FHOD3: variants seen among roughly 807,000 people sequenced by gnomAD.
FHOD3 encodes formin homology 2 domain containing 3, also known as FH1/FH2 domain-containing protein 3.
FHOD3 carries 90 observed loss-of-function variants against 173.0 expected under a neutral mutation model. That is an observed-to-expected ratio of 0.52 (90% CI 0.44 to 0.62). The LOEUF (loss-of-function observed/expected upper bound fraction) is 0.62, where lower values mean the gene tolerates loss of function less well. FHOD3 is among the 20% of genes least tolerant of loss of function. The pLI, the probability that FHOD3 is intolerant of heterozygous loss-of-function variation, is 0.00. For synonymous variants in FHOD3, 828 were observed against 823.0 expected (o/e 1.01, Z -0.10); for missense variants, 1,945 against 2,034.7 (o/e 0.96, Z 0.85).
At chr18:36,686,912 T>G (rs1223374914) in intron 15 of FHOD3, among the ~76,000 whole-genome samples, 1 of 152,230 alleles carries the variant, frequency 6.6e-6, no homozygotes, top group Non-Finnish European at 1.5e-5. Context: ...AATCCTATGT[T>G]TTCTGCAATC....
At chr18:36,399,446 A>G (rs1228947291) in intron 3 of FHOD3, among the ~76,000 whole-genome samples, 1 of 152,116 alleles carries the variant, frequency 6.6e-6, no homozygotes, top group Non-Finnish European at 1.5e-5. Context: ...CACAGATGTT[A>G]TATGTGTCTT....
chr18:36,526,152 G>C (rs1443681941), intron 5 of FHOD3, among the ~76,000 whole-genome samples: 1 of 152,248 alleles, frequency 6.6e-6, no homozygotes, highest in Non-Finnish European at 1.5e-5. Flanking sequence ...GAGATCCAAG[G>C]GCTCGGCCAA....
intron 2 of FHOD3, among the ~76,000 whole-genome samples, chr18:36,370,299 A>G (rs1210943484): frequency 1.3e-5 from 2 of 152,116 alleles, no homozygotes; most frequent in Non-Finnish European, 2.9e-5. Context: ...GAGGAATTGT[A>G]AGTGATTAAA....
intron 5 of FHOD3, among the ~76,000 whole-genome samples, chr18:36,549,472 A>G (rs569847562): frequency 6.7e-6 from 1 of 150,036 alleles, no homozygotes; most frequent in Admixed American, 6.6e-5. Context: ...TTTTGAAGAA[A>G]TTCAGTTTAT....
rs35049122 is a variant in FHOD3, at chr18:36,375,918, C to T, written c.337+3174C>T. On this transcript the variant is annotated intron_variant, in intron 3 of 28. Coordinates refer to ENST00000590592, the MANE Select transcript of FHOD3 (RefSeq NM_001281740.3). ...TATGACCACTTGATATTGCAGCGAA[C>T]GCTGCACTTGCCTTCTTAATCTAGC... is the stretch of plus-strand genomic sequence containing the variant. 4.1e-3 allele frequency among the ~76,000 whole-genome samples: 622 copies of T among 152,334 alleles called. 6 individuals carry two copies. The highest frequency in any genetic ancestry group is 0.011 in the South Asian group (54 of 4,828).
chr18:36,465,350 C>G (rs1390168449), intron 3 of FHOD3, among the ~76,000 whole-genome samples: 1 of 152,056 alleles, frequency 6.6e-6, no homozygotes, highest in Admixed American at 6.6e-5. Flanking sequence ...AGACACGGAT[C>G]TCATACCCTA....
At chr18:36,687,302 T>G in intron 16 of FHOD3, 124 bp downstream of exon 16, 1 of 723,982 alleles carries the variant, frequency 1.4e-6, no homozygotes, top group Non-Finnish European at 2.3e-6. Context: ...ATAGCTGGCA[T>G]TTTGCAGAAC....
intron 1 of FHOD3, among the ~76,000 whole-genome samples, chr18:36,328,520 T>C (rs73949433): frequency 0.11 from 16,009 of 151,978 alleles, 2,116 homozygotes; most frequent in African/African-American, 0.31. Flanking sequence ...TTTGTGTCAT[T>C]GTAGGGCTTA....
At chr18:36,757,295 T>C (rs1212302362) in intron 25 of FHOD3, among the ~76,000 whole-genome samples, 1 of 152,224 alleles carries the variant, frequency 6.6e-6, no homozygotes, top group Non-Finnish European at 1.5e-5. Context: ...GCATCATTCA[T>C]GTAGAAGGAT....
At chr18:36,769,457 A>G (rs756948039) in intron 28 of FHOD3, 31 bp downstream of exon 28, 48 of 1,606,288 alleles carry the variant, frequency 3.0e-5, no homozygotes, top group South Asian at 8.9e-5. Context: ...GCGAGCCTTC[A>G]CCCCTACAGG....
chr18:36,454,645 A>C (rs1599186033), intron 3 of FHOD3, among the ~76,000 whole-genome samples: 1 of 150,560 alleles, frequency 6.6e-6, no homozygotes, highest in African/African-American at 2.5e-5. Context: ...GATTCACTAG[A>C]AATTCTGTCC....
At position 36,450,442 on chromosome 18, in the gene FHOD3, TG is replaced by T. The variant is rs1487951204; in HGVS notation, c.338-51489del. ...AGACCAGTAGCATTTACGACCAGTTTGTTTATTTATTTATTTATTTATTTAT... is the reference window on the plus strand; with the variant it reads ...AGACCAGTAGCATTTACGACCAGTTTTTTATTTATTTATTTATTTATTTAT... On this transcript the variant is annotated intron_variant, in intron 3 of 28. Transcript: ENST00000590592. Among the ~76,000 whole-genome samples, 130 of 43,158 alleles carry T rather than the reference TG, an allele frequency of 3.0e-3. 3 individuals are homozygous for T. The East Asian group carries it at 0.12, about 40-fold the overall frequency. 28.3% of individuals were successfully genotyped at this position (43,158 alleles called of 152,430 possible).
At chr18:36,731,606 C>T (rs1342011046) in intron 20 of FHOD3, among the ~76,000 whole-genome samples, 1 of 152,142 alleles carries the variant, frequency 6.6e-6, no homozygotes, top group Non-Finnish European at 1.5e-5. Context: ...GCAGGGGGCC[C>T]CAGACTCCTT....
Position 36,501,985 on chromosome 18 carries a change from A to C in FHOD3, c.391A>C (p.Lys131Gln). 6.2e-7 allele frequency: 1 copy of C among 1,605,470 alleles called. No homozygotes were observed. The highest frequency in any genetic ancestry group is 8.5e-7 in the Non-Finnish European group (1 of 1,175,258). Residue 131 changes from lysine (K) to glutamine (Q), a missense_variant, in exon 4 of 29, where the codon AAG becomes CAG. Lys to Gln is a moderately conservative substitution (Grantham distance 53). Coordinates refer to ENST00000590592, the MANE Select transcript of FHOD3 (RefSeq NM_001281740.3). ...TTTGAGAAGGGCCCTCTTCTCCCTGAAGCAGATATTTCAGGTAAATAGGAA... is the reference window on the plus strand; with the variant it reads ...TTTGAGAAGGGCCCTCTTCTCCCTGCAGCAGATATTTCAGGTAAATAGGAA... Reference protein sequence around the residue: ...RDLRRALFSLKQIFQDDKDLV... With the variant: ...RDLRRALFSLQQIFQDDKDLV...
chr18:36,393,867 G>T (rs2048423295), intron 3 of FHOD3, among the ~76,000 whole-genome samples: 1 of 152,146 alleles, frequency 6.6e-6, no homozygotes, highest in African/African-American at 2.4e-5. Flanking sequence ...CCTATGTGAG[G>T]GCAGGGAGCT....
intron 17 of FHOD3, among the ~76,000 whole-genome samples, chr18:36,697,136 T>C (rs2039330229): frequency 6.6e-6 from 1 of 152,184 alleles, no homozygotes; most frequent in Non-Finnish European, 1.5e-5. Context: ...ATAAGTAAAG[T>C]CAAGATAGCC....
At chr18:36,595,049 A>T in intron 7 of FHOD3, 151 bp downstream of exon 7, 2 of 585,452 alleles carry the variant, frequency 3.4e-6, no homozygotes, top group South Asian at 4.5e-5. Flanking sequence ...TAGGATAGTA[A>T]GCACACAAAG....
At chr18:36,742,692 C>T in intron 21 of FHOD3, 45 bp from the exon 22 acceptor site, 1 of 1,585,290 alleles carries the variant, frequency 6.3e-7, no homozygotes, top group African/African-American at 1.4e-5. Context: ...CAAAGTAAAC[C>T]CAAATTGTAC....
chr18:36,479,528 T>C (rs2145426621), intron 3 of FHOD3, among the ~76,000 whole-genome samples: 1 of 152,296 alleles, frequency 6.6e-6, no homozygotes, highest in South Asian at 2.1e-4. Flanking sequence ...TTGCCTTGCA[T>C]CTGTCCTAAC....
Sources: gnomAD v4.1 joint callset for allele counts (sites outside exome capture counted in the v4.1 genomes callset) on GRCh38, gnomAD v4.1.1 for gene constraint, MANE v1.5 for transcripts, NCBI Gene and HGNC (gene_info 2026-07-23, HGNC 2026-07-21) for gene names.